The following LDLRAD3 variants were observed in gnomAD, a reference collection of about 807,000 sequenced individuals.
The protein encoded by LDLRAD3 is low-density lipoprotein receptor class A domain-containing protein 3.
In LDLRAD3, 20 loss-of-function variants were observed where a neutral mutation model predicts 29.4. That is an observed-to-expected ratio of 0.68 (90% CI 0.48 to 0.99). The LOEUF is 0.99. Ranked by LOEUF, LDLRAD3 falls within the 50% of genes least tolerant of loss-of-function variation. The probability of loss-of-function intolerance (pLI) is 0.00; values close to 1 mark genes in which losing one functional copy is unlikely to be tolerated. For missense variants in LDLRAD3, 420 were observed against 454.3 expected (o/e 0.92, Z 0.69); for synonymous variants, 157 against 192.7 (o/e 0.81, Z 1.53).
intron 4 of LDLRAD3, among the ~76,000 whole-genome samples, chr11:36,219,159 G>A (rs564405683): frequency 3.7e-4 from 57 of 152,342 alleles, no homozygotes; most frequent in African/African-American, 1.2e-3. Flanking sequence ...AGCTCACAAA[G>A]CATAAAATAT....
chr11:36,040,314 T>C (rs1422019848), intron 2 of LDLRAD3, among the ~76,000 whole-genome samples: 1 of 151,848 alleles, frequency 6.6e-6, no homozygotes, highest in East Asian at 1.9e-4. Flanking sequence ...TTTTTTTTAA[T>C]CGTGACGGTA....
At chr11:36,227,001 C>A in intron 4 of LDLRAD3, 84 bp from the exon 5 acceptor site, 1 of 1,099,252 alleles carries the variant, frequency 9.1e-7, no homozygotes, top group Non-Finnish European at 1.3e-6. Context: ...CATTCGCATG[C>A]AAGTTCTGGG....
At chr11:36,156,035 C>T (rs1026128483) in intron 4 of LDLRAD3, among the ~76,000 whole-genome samples, 9 of 152,196 alleles carry the variant, frequency 5.9e-5, no homozygotes, top group Non-Finnish European at 1.3e-4. Context: ...CCTAGTTGCA[C>T]ATTAGAATCA....
chr11:36,026,723 A>C (rs1050923143), intron 1 of LDLRAD3, among the ~76,000 whole-genome samples: 4 of 152,204 alleles, frequency 2.6e-5, no homozygotes, highest in Non-Finnish European at 5.9e-5. Flanking sequence ...TAGCATGCTA[A>C]AAGACACTCC....
At chr11:36,173,268 T>A (rs997983467) in intron 4 of LDLRAD3, among the ~76,000 whole-genome samples, 1 of 151,758 alleles carries the variant, frequency 6.6e-6, no homozygotes, top group Non-Finnish European at 1.5e-5. Flanking sequence ...ACATGTGCCA[T>A]GTTGGTGTGC....
At chr11:36,202,070 G>A (rs965471044) in intron 4 of LDLRAD3, among the ~76,000 whole-genome samples, 32 of 142,636 alleles carry the variant, frequency 2.2e-4, no homozygotes, top group Middle Eastern at 3.9e-3. Context: ...TTAAGACGGA[G>A]TTTCACTCTT....
rs1396590639 is a variant in LDLRAD3 at position 36,229,335 on chromosome 11, C to T, written c.976C>T (p.Pro326Ser). The T allele has an allele frequency of 1.2e-6, 2 of 1,614,018 alleles. No individual in the cohort carries two copies. Among genetic ancestry groups the T allele is most frequent in the Non-Finnish European group, 8.5e-7 (1 of 1,180,006 alleles). Residue 326 changes from proline to serine, a missense_variant, in exon 6 of 6, where the codon CCC becomes TCC. Around this residue, in one of 3 missense-constraint regions of LDLRAD3, gnomAD observed 140 missense variants for 139.9 expected, o/e 1.00. Coordinates refer to ENST00000315571, the MANE Select transcript of LDLRAD3 (RefSeq NM_174902.4). Reference sequence around the variant, plus strand: ...CAGCCACAGCCCGGGGCAGCCTGGCCCCCAGGAGGGCACTGCTGAGCCCAG... The same window carrying T: ...CAGCCACAGCCCGGGGCAGCCTGGCTCCCAGGAGGGCACTGCTGAGCCCAG... ...DTSHSPGQPG[P>S]QEGTAEPRDS...
At chr11:36,011,562 G>A (rs1450058873) in intron 1 of LDLRAD3, among the ~76,000 whole-genome samples, 1 of 28,004 alleles carries the variant, frequency 3.6e-5, no homozygotes, top group Non-Finnish European at 1.8e-4. Flanking sequence ...CAAAAGTTCT[G>A]CTACCTCAAT....
At chr11:36,117,191 G>C (rs1446447454) in intron 4 of LDLRAD3, among the ~76,000 whole-genome samples, 1 of 152,034 alleles carries the variant, frequency 6.6e-6, no homozygotes, top group Non-Finnish European at 1.5e-5. Context: ...AAAGTTGTGA[G>C]GTAGAATCTG....
intron 4 of LDLRAD3, among the ~76,000 whole-genome samples, chr11:36,215,914 G>A (rs540743185): frequency 7.9e-5 from 12 of 152,276 alleles, no homozygotes; most frequent in African/African-American, 2.2e-4. Context: ...TGACAAACTC[G>A]CAGATCCCAA....
intron 4 of LDLRAD3, among the ~76,000 whole-genome samples, chr11:36,182,657 C>T (rs1196527522): frequency 6.6e-6 from 1 of 152,180 alleles, no homozygotes; most frequent in Non-Finnish European, 1.5e-5. Context: ...CCACAAGCCC[C>T]TTGTTCACTT....
At chr11:35,953,251 C>T (rs983263601) in intron 1 of LDLRAD3, among the ~76,000 whole-genome samples, 5 of 152,140 alleles carry the variant, frequency 3.3e-5, no homozygotes, top group Admixed American at 2.0e-4. Flanking sequence ...TCCTGGCGAG[C>T]GGCCACGGGG....
Position 36,069,214 on chromosome 11 carries a change from T to A in LDLRAD3, c.194-12439T>A, listed in dbSNP as rs149690222. Among the ~76,000 whole-genome samples, 722 of 152,352 alleles carry A rather than the reference T, an allele frequency of 4.7e-3. 27 individuals are homozygous for A. Among genetic ancestry groups the A allele is most frequent in the Admixed American group, 0.043 (662 of 15,310 alleles). On this transcript the variant is annotated intron_variant, in intron 2 of 5. Transcript: ENST00000315571. ...GAGTGAGTTTGCTTTCTGGGCTGTT[T>A]GTCATCTGCCTTGGGACCACAATAA...
At chr11:36,174,670 A>G (rs1420816636) in intron 4 of LDLRAD3, among the ~76,000 whole-genome samples, 1 of 152,326 alleles carries the variant, frequency 6.6e-6, no homozygotes, top group East Asian at 1.9e-4. Context: ...ATGAGATACC[A>G]TCTCACACCA....
At chr11:36,182,073 G>A (rs1854772961) in intron 4 of LDLRAD3, among the ~76,000 whole-genome samples, 2 of 152,206 alleles carry the variant, frequency 1.3e-5, no homozygotes, top group African/African-American at 4.8e-5. Context: ...CCTTGACACT[G>A]ATCTGAGCCT....
At chr11:36,096,170 C>G (rs1428510049) in intron 3 of LDLRAD3, among the ~76,000 whole-genome samples, 1 of 152,176 alleles carries the variant, frequency 6.6e-6, no homozygotes, top group Admixed American at 6.5e-5. Context: ...CCTCTCTGAC[C>G]TTTCAAATCA....
chr11:36,114,057 C>G (rs1166564833), intron 4 of LDLRAD3, among the ~76,000 whole-genome samples: 1 of 152,168 alleles, frequency 6.6e-6, no homozygotes, highest in Non-Finnish European at 1.5e-5. Flanking sequence ...TGGATGGGTA[C>G]TGGGGATTGA....
intron 1 of LDLRAD3, chr11:35,997,410 T>C (rs1851768720): frequency 2.3e-6 from 1 of 425,884 alleles, no homozygotes; most frequent in Non-Finnish European, 4.5e-6. Flanking sequence ...TTTCCATCTC[T>C]TTGTGGTTCC....
At chr11:36,036,368 C>A in intron 2 of LDLRAD3, 119 bp downstream of exon 2, 1 of 1,154,380 alleles carries the variant, frequency 8.7e-7, no homozygotes, top group South Asian at 1.4e-5. Context: ...TGGTTTTGTG[C>A]CTCTTGCCAG....
Sources: gnomAD v4.1 joint callset for allele counts (sites outside exome capture counted in the v4.1 genomes callset) on GRCh38, gnomAD v4.1.1 for gene constraint, gnomAD v4.1.1 regional missense constraint, MANE v1.5 for transcripts, NCBI Gene and HGNC (gene_info 2026-07-23, HGNC 2026-07-21) for gene names.